UTRN: variants seen among roughly 807,000 people sequenced by gnomAD.
The protein encoded by UTRN is dystrophin-related protein 1.
In UTRN, 283 loss-of-function variants were observed where a neutral mutation model predicts 463.9. The ratio of observed to expected loss-of-function variants is 0.61; its 90% confidence interval spans 0.55 to 0.67. UTRN has a LOEUF of 0.67. Among genes scored for constraint, UTRN ranks in the 30% least tolerant of loss-of-function variants. The pLI is 0.00. For missense variants in UTRN, 3,922 were observed against 4,084.3 expected, an observed-to-expected ratio of 0.96 and a Z score of 1.08; for synonymous variants, 1,442 against 1,431.5, an observed-to-expected ratio of 1.01 and a Z score of -0.17.
chr6:144,471,057 A>AGGGGGGGGGAGGGGGT (rs1454781033), intron 23 of UTRN, among the ~76,000 whole-genome samples: 1 of 21,460 alleles, frequency 4.7e-5, no homozygotes, highest in African/African-American at 1.7e-4. Context: ...AGGGAGGGGG[A>AGGGGGGGGGAGGGGGT]GAGGGAGGGG....
intron 66 of UTRN, among the ~76,000 whole-genome samples, chr6:144,823,572 C>A (rs919813982): frequency 6.6e-6 from 1 of 152,134 alleles, no homozygotes; most frequent in Non-Finnish European, 1.5e-5. Flanking sequence ...AGTAGTTACA[C>A]ATGCATGCAT....
intron 52 of UTRN, among the ~76,000 whole-genome samples, chr6:144,684,210 C>G (rs1782507602): frequency 6.6e-6 from 1 of 151,954 alleles, no homozygotes; most frequent in Non-Finnish European, 1.5e-5. Flanking sequence ...CCACCACACC[C>G]AACTTATTTT....
chr6:144,835,665 T>G, intron 69 of UTRN, 115 bp from the exon 70 acceptor site: 1 of 1,415,548 alleles, frequency 7.1e-7, no homozygotes, highest in South Asian at 1.3e-5. Context: ...CACTGAGCTC[T>G]AAGACAAACT....
At chr6:144,422,790 G>C (rs1784947249) in intron 4 of UTRN, among the ~76,000 whole-genome samples, 1 of 152,194 alleles carries the variant, frequency 6.6e-6, no homozygotes, top group South Asian at 2.1e-4. Flanking sequence ...GGGTACAAAT[G>C]TTAACTCTAG....
chr6:144,351,249 G>A (rs1019954338), intron 2 of UTRN, among the ~76,000 whole-genome samples: 1 of 152,158 alleles, frequency 6.6e-6, no homozygotes, highest in African/African-American at 2.4e-5. Flanking sequence ...GTCTGTTTGT[G>A]TTAGAGTATT....
intron 65 of UTRN, 34 bp downstream of exon 65, chr6:144,803,181 A>C (rs779091024): frequency 7.6e-7 from 1 of 1,315,848 alleles, no homozygotes; most frequent in Middle Eastern, 2.0e-4. Flanking sequence ...TTTTTAATAC[A>C]TTGCCATTGA....
At chr6:144,618,602 T>G (rs1775017833) in intron 51 of UTRN, among the ~76,000 whole-genome samples, 1 of 152,074 alleles carries the variant, frequency 6.6e-6, no homozygotes, top group African/African-American at 2.4e-5. Flanking sequence ...ACCAAGAAAC[T>G]TTAAAAAAAT....
Position 144,797,854 on chromosome 6 carries a change from G to C in UTRN, c.9109G>C (p.Glu3037Gln). 1 of 1,614,108 alleles carries C rather than the reference G, an allele frequency of 6.2e-7. No individual in the cohort carries two copies. Among genetic ancestry groups the C allele is most frequent in the Non-Finnish European group, 8.5e-7 (1 of 1,179,986 alleles). ...CAATAAACCAGAAATAAGTGTGAAAGAGTTTATAGATTGGATGCATTTGGA... is the reference window on the plus strand; with the variant it reads ...CAATAAACCAGAAATAAGTGTGAAACAGTTTATAGATTGGATGCATTTGGA... ...NNNKPEISVK[E>Q]FIDWMHLEPQ... The change falls in exon 64 of 75, where the codon GAG becomes CAG. Residue 3037 changes from glutamate (E) to glutamine (Q), a missense_variant. By Grantham distance (29) the Glu-to-Gln change is conservative. This residue lies in a region of UTRN where 1,309 missense variants were observed against 1,452.6 expected (regional missense o/e 0.90). Transcript: ENST00000367545.
chr6:144,502,310 G>T (rs1371107360), intron 34 of UTRN, among the ~76,000 whole-genome samples: 1 of 151,264 alleles, frequency 6.6e-6, no homozygotes, highest in Non-Finnish European at 1.5e-5. Flanking sequence ...TGCGGAACGT[G>T]CAGGTTTGTT....
intron 34 of UTRN, among the ~76,000 whole-genome samples, chr6:144,502,366 C>G (rs892705051): frequency 6.6e-6 from 1 of 151,870 alleles, no homozygotes; most frequent in Admixed American, 6.6e-5. Context: ...CTCATCAACC[C>G]GTCATCTACA....
intron 2 of UTRN, among the ~76,000 whole-genome samples, chr6:144,371,654 G>A (rs548679697): frequency 8.7e-5 from 13 of 149,702 alleles, no homozygotes; most frequent in African/African-American, 2.2e-4. Flanking sequence ...GTGATCTGCC[G>A]TCCTCGGCCT....
chr6:144,361,458 C>T (rs757451321), intron 2 of UTRN, among the ~76,000 whole-genome samples: 8 of 152,140 alleles, frequency 5.3e-5, no homozygotes, highest in Admixed American at 3.3e-4. Flanking sequence ...TGAGTTAAAA[C>T]CATCCAGGAG....
At chr6:144,850,856 G>T in intron 74 of UTRN, 133 bp from the exon 75 acceptor site, 2 of 1,220,920 alleles carry the variant, frequency 1.6e-6, no homozygotes, top group East Asian at 4.7e-5. Context: ...GGACCTCATT[G>T]CAGGAAGCAA....
At chr6:144,647,938 C>T (rs987152351) in intron 51 of UTRN, among the ~76,000 whole-genome samples, 2 of 152,130 alleles carry the variant, frequency 1.3e-5, no homozygotes, top group African/African-American at 4.8e-5. Flanking sequence ...TTCTTAGGGA[C>T]CCTATTGTTT....
chr6:144,564,102 C>T (rs1800176790), intron 50 of UTRN, among the ~76,000 whole-genome samples: 1 of 152,152 alleles, frequency 6.6e-6, no homozygotes. Flanking sequence ...AAAGATTCAA[C>T]CATAAATACA....
rs776297805 is a variant in UTRN at position 144,482,203 on chromosome 6, G to A, written c.3508-6G>A. On this transcript the variant is annotated splice_polypyrimidine_tract_variant and splice_region_variant and intron_variant, in intron 26 of 74. Transcript: ENST00000367545. Reference sequence around the variant, plus strand: ...TTTCAAGTTCATCCATCCTTTCTTGGAACAGAGGGCAAAAGAGGATGTGTT... The same window carrying A: ...TTTCAAGTTCATCCATCCTTTCTTGAAACAGAGGGCAAAAGAGGATGTGTT... 1.4e-6 allele frequency: 2 copies of A among 1,452,438 alleles called. No homozygotes were observed. Among genetic ancestry groups the A allele is most frequent in the Non-Finnish European group, 1.8e-6 (2 of 1,093,494 alleles). The allele number at this position is 1,452,438 out of a possible 1,614,324, so 90.0% of individuals were successfully genotyped here. A position where few individuals can be genotyped will look rare whatever the true frequency, so the allele number is the denominator to read the frequency against.
chr6:144,353,218 G>T (rs1419465957), intron 2 of UTRN, among the ~76,000 whole-genome samples: 2 of 151,942 alleles, frequency 1.3e-5, no homozygotes, highest in Admixed American at 6.6e-5. Context: ...AGGTTCAAGC[G>T]ATTCCCTTAC....
At chr6:144,821,289 T>C (rs1457340603) in intron 66 of UTRN, among the ~76,000 whole-genome samples, 2 of 152,152 alleles carry the variant, frequency 1.3e-5, no homozygotes, top group African/African-American at 4.8e-5. Flanking sequence ...ATCTCTTTTG[T>C]TGGTCATCTC....
intron 2 of UTRN, chr6:144,331,055 G>C: frequency 1.0e-6 from 1 of 983,444 alleles, no homozygotes; most frequent in South Asian, 4.7e-5. Flanking sequence ...CTTAAATTTT[G>C]TCCACCTGTT....
Sources: gnomAD v4.1 joint callset for allele counts (sites outside exome capture counted in the v4.1 genomes callset) on GRCh38, gnomAD v4.1.1 for gene constraint, gnomAD v4.1.1 regional missense constraint, MANE v1.5 for transcripts, NCBI Gene and HGNC (gene_info 2026-07-23, HGNC 2026-07-21) for gene names.